Variants in NSMCE4A observed in about 807,000 individuals in gnomAD.
NSMCE4A encodes the protein NSE4A component of SMC5/6 complex.
In NSMCE4A, 40 loss-of-function variants were observed where a neutral mutation model predicts 47.9. The observed-to-expected ratio is 0.83, with a 90% CI of 0.65 to 1.09. The LOEUF (loss-of-function observed/expected upper bound fraction) is 1.09, where lower values mean the gene tolerates loss of function less well. NSMCE4A is among the 50% of genes least tolerant of loss of function. The probability of loss-of-function intolerance (pLI) is 0.00; values close to 1 mark genes in which losing one functional copy is unlikely to be tolerated. For missense variants in NSMCE4A, 500 were observed against 507.0 expected (o/e 0.99, Z 0.13); for synonymous variants, 166 against 178.5 (o/e 0.93, Z 0.56).
At chr10:121,972,620 G>T (rs1167613211) in intron 2 of NSMCE4A, among the ~76,000 whole-genome samples, 1 of 152,260 alleles carries the variant, frequency 6.6e-6, no homozygotes, top group East Asian at 1.9e-4. Context: ...TGGGGATAAA[G>T]AACTGACTAG....
chr10:121,970,915 CAG>C (rs1250761750), intron 3 of NSMCE4A, 22 bp downstream of exon 3: 2 of 1,569,252 alleles, frequency 1.3e-6, no homozygotes, highest in East Asian at 2.3e-5. Context: ...ATTTTTTATT[CAG>C]AGTCTGTAGC....
At chr10:121,959,104 C>T (rs539337723) in intron 10 of NSMCE4A, among the ~76,000 whole-genome samples, 4 of 152,350 alleles carry the variant, frequency 2.6e-5, no homozygotes, top group South Asian at 2.1e-4. Context: ...TGAGCCACCA[C>T]GCCTGGCCTC....
At chr10:121,969,501 T>TAAA (rs35005382) in intron 3 of NSMCE4A, among the ~76,000 whole-genome samples, 2 of 138,208 alleles carry the variant, frequency 1.4e-5, no homozygotes, top group African/African-American at 2.7e-5. Context: ...AAAAAAAAGT[T>TAAA]AAAAAAAAAA....
At chr10:121,965,542 G>C (rs1384742529) in intron 4 of NSMCE4A, among the ~76,000 whole-genome samples, 157 bp from the exon 5 acceptor site, 1 of 152,230 alleles carries the variant, frequency 6.6e-6, no homozygotes, top group Non-Finnish European at 1.5e-5. Context: ...GATAAGGTTT[G>C]TGACAGCCTT....
intron 8 of NSMCE4A, 30 bp from the exon 9 acceptor site, chr10:121,959,625 T>C (rs377275869): frequency 6.0e-6 from 9 of 1,501,048 alleles, no homozygotes; most frequent in Non-Finnish European, 8.4e-6. Context: ...TTCAAATTTA[T>C]CAAAGGTTAT....
In NSMCE4A at chr10:121,974,065, TA is replaced by T; in HGVS notation, c.308del (p.Ile103AsnfsTer2). 6.2e-7 allele frequency: 1 copy of T among 1,605,408 alleles called. No individual in the cohort carries two copies. ...CTGTTAATTTGTCACCGGCATTCAG[TA>T]TGTCCTCACGGTTTTCTATTTTTAA... is the stretch of plus-strand genomic sequence containing the variant. ...INSVQQNREDILNAGDKLTEV... is the reference protein window; with the variant it reads ...INSVQQNREDXLNAGDKLTEV... On this transcript the variant is annotated frameshift_variant, in exon 2 of 11. Coordinates refer to ENST00000369023, the MANE Select transcript of NSMCE4A (RefSeq NM_017615.3). LOFTEE classifies it high-confidence loss of function.
chr10:121,962,871 G>A (rs74593224), intron 6 of NSMCE4A, among the ~76,000 whole-genome samples: 20,225 of 152,108 alleles, frequency 0.13, 1,564 homozygotes, highest in Middle Eastern at 0.18. Flanking sequence ...TGGGATTACA[G>A]GTGTGAGCCA....
chr10:121,963,892 T>A (rs1241022795), intron 5 of NSMCE4A, among the ~76,000 whole-genome samples: 8 of 144,014 alleles, frequency 5.6e-5, no homozygotes, highest in African/African-American at 2.1e-4. Flanking sequence ...AGGTCAGGAG[T>A]TCGAGACCAG....
intron 3 of NSMCE4A, among the ~76,000 whole-genome samples, chr10:121,970,476 G>GAAAAA (rs57421744): frequency 5.9e-5 from 6 of 101,900 alleles, no homozygotes; most frequent in African/African-American, 8.2e-5. Flanking sequence ...TGTCTCAAAG[G>GAAAAA]AAAAAAAAAA....
chr10:121,961,399 T>TA, intron 7 of NSMCE4A, 24 bp downstream of exon 7: 1 of 1,485,846 alleles, frequency 6.7e-7, no homozygotes, highest in Non-Finnish European at 9.1e-7. Context: ...TAAAAGCAAT[T>TA]AGAAAAATAA....
intron 3 of NSMCE4A, among the ~76,000 whole-genome samples, chr10:121,968,488 G>A (rs769214042): frequency 6.6e-5 from 10 of 152,108 alleles, no homozygotes; most frequent in African/African-American, 4.8e-5. Flanking sequence ...TCTCTATTCA[G>A]CTTGTATCTC....
chr10:121,969,386 G>A (rs534374078), intron 3 of NSMCE4A, among the ~76,000 whole-genome samples: 58 of 151,520 alleles, frequency 3.8e-4, no homozygotes, highest in African/African-American at 1.2e-3. Context: ...TAAAAAAATA[G>A]AGCTTAACCT....
At chr10:121,969,401 A>C (rs1208218931) in intron 3 of NSMCE4A, among the ~76,000 whole-genome samples, 1 of 152,058 alleles carries the variant, frequency 6.6e-6, no homozygotes, top group East Asian at 1.9e-4. Context: ...TAACCTGATA[A>C]AGTAATTTTT....
chr10:121,971,456 A>G (rs555111240), intron 2 of NSMCE4A, among the ~76,000 whole-genome samples: 22 of 152,248 alleles, frequency 1.4e-4, no homozygotes, highest in East Asian at 3.9e-4. Context: ...GCAGTAAGCC[A>G]AGATCGCGCC....
chr10:121,970,816 G>T, intron 3 of NSMCE4A, 123 bp downstream of exon 3: 2 of 838,600 alleles, frequency 2.4e-6, no homozygotes, highest in South Asian at 2.4e-5. Context: ...GATCTCTACA[G>T]AGGAATCTGA....
Position 121,975,160 on chromosome 10 carries a change from AGAC to A in NSMCE4A, c.3_5del (p.MetSer1_?2). On this transcript the variant is annotated start_lost and inframe_deletion, in exon 1 of 11. Coordinates refer to ENST00000369023, the MANE Select transcript of NSMCE4A (RefSeq NM_017615.3). ...CTGGCCCGCGGCCGCTGCTGTCCCC[AGAC>A]ATAGCGCCAATTCACCGTGCAACTT... 7.2e-7 allele frequency: 1 copy of A among 1,388,346 alleles called. No homozygotes were observed. Among genetic ancestry groups the A allele is most frequent in the South Asian group, 1.6e-5 (1 of 61,948 alleles). The allele number at this position is 1,388,346 out of a possible 1,614,324, so 86.0% of individuals were successfully genotyped here. A position where few individuals can be genotyped will look rare whatever the true frequency, so the allele number is the denominator to read the frequency against.
At chr10:121,966,202 T>C (rs906981226) in intron 4 of NSMCE4A, 3 of 152,012 alleles carry the variant, frequency 2.0e-5, no homozygotes, top group African/African-American at 7.3e-5. Context: ...GACATGGGAG[T>C]GACGTGGTTG....
intron 6 of NSMCE4A, chr10:121,961,977 G>A (rs995305928): frequency 4.5e-5 from 12 of 266,954 alleles, no homozygotes; most frequent in African/African-American, 1.6e-4. Flanking sequence ...ATGTGGTGGC[G>A]CGTGCGCCTG....
intron 6 of NSMCE4A, 29 bp from the exon 7 acceptor site, chr10:121,961,546 ATT>A (rs1263936689): frequency 1.4e-6 from 2 of 1,435,046 alleles, no homozygotes; most frequent in Admixed American, 2.6e-5. Context: ...AAAAAAATTG[ATT>A]TTTGCTTGTC....
Sources: allele counts gnomAD v4.1 joint callset (sites outside exome capture counted in the v4.1 genomes callset), GRCh38; gene constraint gnomAD v4.1.1; transcripts MANE v1.5; gene names NCBI Gene and HGNC (gene_info 2026-07-23, HGNC 2026-07-21).